Variants in PPP1R37 observed in about 807,000 individuals in gnomAD.
The protein encoded by PPP1R37 is protein phosphatase 1 regulatory subunit 37, also known as leucine rich repeat containing 68.
PPP1R37 carries 21 observed loss-of-function variants against 61.0 expected under a neutral mutation model. That is an observed-to-expected ratio of 0.34 (90% CI 0.24 to 0.50). The LOEUF (loss-of-function observed/expected upper bound fraction) is 0.50, where lower values mean the gene tolerates loss of function less well. Ranked by LOEUF, PPP1R37 falls within the 20% of genes least tolerant of loss-of-function variation. PPP1R37 has a pLI of 0.98. For missense variants in PPP1R37, 910 were observed against 952.7 expected, an observed-to-expected ratio of 0.96 and a Z score of 0.59; for synonymous variants, 443 against 433.5, an observed-to-expected ratio of 1.02 and a Z score of -0.27.
At chr19:45,117,101 T>C (rs1254563162) in intron 1 of PPP1R37, among the ~76,000 whole-genome samples, 2 of 151,962 alleles carry the variant, frequency 1.3e-5, no homozygotes, top group Non-Finnish European at 2.9e-5. Context: ...TTAGTAGAGA[T>C]GGGGTTTCAC....
intron 1 of PPP1R37, among the ~76,000 whole-genome samples, chr19:45,104,247 C>G (rs986471542): frequency 6.6e-6 from 1 of 152,192 alleles, no homozygotes; most frequent in African/African-American, 2.4e-5. Context: ...GTTATTTGTT[C>G]GGGCCCATCT....
intron 1 of PPP1R37, among the ~76,000 whole-genome samples, chr19:45,120,209 A>G (rs375594987): frequency 0.01 from 1,564 of 151,876 alleles, 18 homozygotes; most frequent in Non-Finnish European, 0.015. Flanking sequence ...AGTAGAGACA[A>G]GGTTTCACTG....
At chr19:45,102,273 G>A (rs1020009848) in intron 1 of PPP1R37, among the ~76,000 whole-genome samples, 7 of 152,170 alleles carry the variant, frequency 4.6e-5, no homozygotes, top group Non-Finnish European at 8.8e-5. Flanking sequence ...AACACGTCTG[G>A]CCCAAGGGTT....
intron 1 of PPP1R37, among the ~76,000 whole-genome samples, chr19:45,095,743 A>G (rs1399784708): frequency 6.7e-6 from 1 of 148,520 alleles, no homozygotes; most frequent in Non-Finnish European, 1.5e-5. Context: ...AGCTTGGGTG[A>G]CAGAGACCCG....
At chr19:45,131,835 T>C (rs1372241668) in intron 1 of PPP1R37, among the ~76,000 whole-genome samples, 1 of 152,204 alleles carries the variant, frequency 6.6e-6, no homozygotes, top group Non-Finnish European at 1.5e-5. Flanking sequence ...TCTCCATTTG[T>C]GTCTCCTGCT....
At chr19:45,129,453 C>A (rs1469534336) in intron 1 of PPP1R37, among the ~76,000 whole-genome samples, 1 of 152,126 alleles carries the variant, frequency 6.6e-6, no homozygotes. Context: ...CACGTGCCAC[C>A]ATGCCAGGCT....
At chr19:45,116,395 G>A (rs1008988143) in intron 1 of PPP1R37, among the ~76,000 whole-genome samples, 7 of 152,204 alleles carry the variant, frequency 4.6e-5, no homozygotes, top group South Asian at 4.1e-4. Flanking sequence ...AGCCTAGCCC[G>A]CCCCCTGGAG....
At chr19:45,145,058 TGGGGCCCGTG>T (rs1968669462) in intron 9 of PPP1R37, 26 bp from the exon 10 acceptor site, 11 of 1,522,256 alleles carry the variant, frequency 7.2e-6, no homozygotes, top group Non-Finnish European at 9.6e-6. Flanking sequence ...CAGCCGGGTG[TGGGGCCCGTG>T]GCCAGCCCCT....
At position 45,093,382 on chromosome 19, in the gene PPP1R37, A is replaced by G; in HGVS notation, c.57A>G (p.Glu19=). Residue 19 remains glutamate, a synonymous_variant, in exon 1 of 13, where the codon GAA becomes GAG. Transcript: ENST00000221462. ...TGCCGGGCGCGGACGGCGACATTGA[A>G]GAGGCCCCAGCTGAGGCCGGGTCTC... The part of the protein sequence containing the change: ...PPVPGADGDI[E]EAPAEAGSPS... The G allele has an allele frequency of 6.6e-7, 1 of 1,524,846 alleles. No individual in the cohort carries two copies. The highest frequency in any genetic ancestry group is 1.2e-5 in the South Asian group (1 of 83,192). The allele number at this position is 1,524,846 out of a possible 1,614,324, so 94.5% of individuals were successfully genotyped here.
At chr19:45,140,423 T>TGGGGGG in intron 3 of PPP1R37, 83 bp from the exon 4 acceptor site, 4 of 330,820 alleles carry the variant, frequency 1.2e-5, no homozygotes, top group Middle Eastern at 9.3e-4. Flanking sequence ...TGGTGGGGGG[T>TGGGGGG]GGGAGGTTGG....
At chr19:45,103,041 G>A (rs563722431) in intron 1 of PPP1R37, among the ~76,000 whole-genome samples, 38 of 152,340 alleles carry the variant, frequency 2.5e-4, no homozygotes, top group Admixed American at 7.8e-4. Context: ...GCTATGTTTC[G>A]TACATTAAGT....
chr19:45,112,118 C>G (rs1411675503), intron 1 of PPP1R37, among the ~76,000 whole-genome samples: 1 of 151,986 alleles, frequency 6.6e-6, no homozygotes. Flanking sequence ...ATTACAGGCT[C>G]CTGCCACCAC....
chr19:45,144,656 T>G, intron 8 of PPP1R37, 198 bp from the exon 9 acceptor site: 3 of 541,016 alleles, frequency 5.5e-6, no homozygotes, highest in Non-Finnish European at 9.6e-6. Context: ...GGACCTGGCA[T>G]TTGGGGAGAC....
intron 1 of PPP1R37, among the ~76,000 whole-genome samples, chr19:45,132,654 G>A (rs1471460060): frequency 2.0e-5 from 3 of 151,964 alleles, no homozygotes; most frequent in Admixed American, 6.6e-5. Flanking sequence ...GGCTGGTCTC[G>A]AACTCCTGGC....
chr19:45,140,892 C>T (rs143250620), intron 4 of PPP1R37, among the ~76,000 whole-genome samples: 167 of 152,260 alleles, frequency 1.1e-3, no homozygotes, highest in South Asian at 1.2e-3. Flanking sequence ...TCAGGAACCA[C>T]GCTGGAGGGT....
intron 1 of PPP1R37, among the ~76,000 whole-genome samples, chr19:45,127,568 G>A (rs1165968111): frequency 6.6e-6 from 1 of 152,146 alleles, no homozygotes; most frequent in Non-Finnish European, 1.5e-5. Context: ...ACCACCGGCT[G>A]CATATGCAGT....
chr19:45,128,498 G>GTTGGGT (rs1301692213), intron 1 of PPP1R37: 1 of 906,624 alleles, frequency 1.1e-6, no homozygotes, highest in Non-Finnish European at 1.7e-6. Flanking sequence ...AGAGGCAGCG[G>GTTGGGT]TTGGGTTTGC....
In PPP1R37 at chr19:45,145,355, G is replaced by GA. The variant is rs1417189775; in HGVS notation, c.1301dup (p.Ser435GlufsTer42). 6.5e-7 allele frequency: 1 copy of GA among 1,534,294 alleles called. No individual in the cohort carries two copies. The highest frequency in any genetic ancestry group is 8.7e-7 in the Non-Finnish European group (1 of 1,146,070). On this transcript the variant is annotated frameshift_variant, in exon 11 of 13. Transcript: ENST00000221462. LOFTEE classifies it high-confidence loss of function. The stretch of plus-strand genomic sequence containing the variant: ...CTAGCCAGGCGCTCCCGCCACAGGT[G>GA]AAGAGCTTCATCGAGACGCAGAAGG...
chr19:45,115,138 T>C (rs938250884), intron 1 of PPP1R37, among the ~76,000 whole-genome samples: 2 of 152,158 alleles, frequency 1.3e-5, no homozygotes. Flanking sequence ...TCCAGGCTTA[T>C]TGTCCAGAGA....
Sources: gnomAD v4.1 joint callset for allele counts (sites outside exome capture counted in the v4.1 genomes callset) on GRCh38, gnomAD v4.1.1 for gene constraint, MANE v1.5 for transcripts, NCBI Gene and HGNC (gene_info 2026-07-23, HGNC 2026-07-21) for gene names.